NHS: variants seen among roughly 807,000 people sequenced by gnomAD.
NHS encodes the protein NHS actin remodeling regulator.
A neutral mutation model predicts 72.5 loss-of-function variants in NHS; 5 were observed. That is an observed-to-expected ratio of 0.07 (90% CI 0.04 to 0.14). The LOEUF (loss-of-function observed/expected upper bound fraction) is 0.14, where lower values mean the gene tolerates loss of function less well. NHS is among the 10% of genes least tolerant of loss of function. NHS has a pLI of 1.00. For synonymous variants in NHS, 464 were observed against 547.7 expected, an observed-to-expected ratio of 0.85 and a Z score of 2.13; for missense variants, 1,072 against 1,355.7, an observed-to-expected ratio of 0.79 and a Z score of 3.29.
chrX:17,492,610 G>A (rs956349766), intron 1 of NHS, among the ~76,000 whole-genome samples: 2 of 112,295 alleles, frequency 1.8e-5, no homozygotes, highest in South Asian at 3.7e-4. Context: ...TTTATATTCT[G>A]TTGATTTAGG....
In NHS at chrX:17,726,877, A is replaced by G. The variant is rs1256260513; in HGVS notation, c.2771A>G (p.Glu924Gly). The change falls in exon 7 of 9, where the codon GAA (glutamate) becomes GGA (glycine). Residue 924 changes from glutamate (E) to glycine (G), a missense_variant. Glu to Gly is a moderately conservative substitution (Grantham distance 98). Transcript: ENST00000676302. ...WINQSEQGIK[E>G]PQLDASDIPP... is the part of the protein sequence containing the mutation. ...AACCAGAGTGAACAAGGCATTAAGG[A>G]ACCTCAGTTAGATGCTTCGGATATT... is the stretch of plus-strand genomic sequence containing the variant. 6 of 1,211,950 alleles carry G rather than the reference A, an allele frequency of 5.0e-6. No homozygotes were observed. The South Asian group carries it at 1.1e-4, about 21-fold the overall frequency.
At chrX:17,506,561 A>ATAAATAAG (rs2065059766) in intron 1 of NHS, among the ~76,000 whole-genome samples, 1 of 103,235 alleles carries the variant, frequency 9.7e-6, no homozygotes, top group Admixed American at 1.0e-4. Flanking sequence ...AAATAAATAA[A>ATAAATAAG]TAAATAAGTA....
At chrX:17,466,042 G>A (rs964197772) in intron 1 of NHS, among the ~76,000 whole-genome samples, 1 of 113,327 alleles carries the variant, frequency 8.8e-6, no homozygotes, top group Non-Finnish European at 1.9e-5. Flanking sequence ...GCATGCATGT[G>A]CCTTCCTACA....
rs374462247 is a variant in NHS at position 17,732,445 on chromosome X, C to T, written c.4937C>T (p.Ser1646Phe). Residue 1646 changes from serine to phenylalanine, a missense_variant, in exon 9 of 9, where the codon TCC (serine) becomes TTC (phenylalanine). Coordinates refer to ENST00000676302, the MANE Select transcript of NHS (RefSeq NM_001291867.2). ...NSDGSPHDDR[S>F]SQSST ...GACGGGAGCCCACATGACGACCGTTCCTCCCAGAGTTCAACATAGACTGCC... is the reference window on the plus strand; with the variant it reads ...GACGGGAGCCCACATGACGACCGTTTCTCCCAGAGTTCAACATAGACTGCC... The T allele has an allele frequency of 3.1e-4, 373 of 1,211,318 alleles. No individual in the cohort carries two copies. The highest frequency in any genetic ancestry group is 4.0e-4 in the Non-Finnish European group (360 of 895,543).
intron 5 of NHS, among the ~76,000 whole-genome samples, chrX:17,723,726 G>GGTGTGTGTGT (rs3222310): frequency 0.08 from 5,665 of 70,935 alleles, 283 homozygotes; most frequent in East Asian, 0.16. Flanking sequence ...CAGCAAAAGA[G>GGTGTGTGTGT]GTGTGTGTGT....
chrX:17,692,094 GC>G (rs1349741495), intron 2 of NHS, among the ~76,000 whole-genome samples: 1 of 111,836 alleles, frequency 8.9e-6, no homozygotes, highest in East Asian at 2.8e-4. Flanking sequence ...TCAGAAGTGA[GC>G]CCTCTTGTAC....
At chrX:17,594,183 G>A (rs5955617) in intron 1 of NHS, among the ~76,000 whole-genome samples, 19,600 of 111,444 alleles carry the variant, frequency 0.18, 3,682 homozygotes, top group African/African-American at 0.57. Context: ...TAACTGGCCC[G>A]TGTTTACCCA....
chrX:17,607,027 A>G (rs1436042446), intron 1 of NHS, among the ~76,000 whole-genome samples: 2 of 112,295 alleles, frequency 1.8e-5, no homozygotes, highest in African/African-American at 3.2e-5. Context: ...CCAGGGCCAC[A>G]TAGCTTGTAA....
At chrX:17,719,474 C>T (rs1601853275) in intron 4 of NHS, 68 bp downstream of exon 4, 1 of 829,684 alleles carries the variant, frequency 1.2e-6, no homozygotes, top group East Asian at 3.6e-5. Flanking sequence ...CCTTTTTTCC[C>T]TCTTTTAACT....
intron 1 of NHS, among the ~76,000 whole-genome samples, chrX:17,673,019 G>T (rs763237419): frequency 1.7e-3 from 186 of 110,686 alleles, no homozygotes; most frequent in Non-Finnish European, 3.3e-3. Flanking sequence ...TGGGAGGAGA[G>T]ATCAAGTAAA....
At chrX:17,635,929 TCTC>T (rs1296799736) in intron 1 of NHS, among the ~76,000 whole-genome samples, 6 of 111,984 alleles carry the variant, frequency 5.4e-5, no homozygotes, top group South Asian at 3.8e-4. Context: ...CTTTCTTCCT[TCTC>T]CTCTTCTGCT....
intron 1 of NHS, among the ~76,000 whole-genome samples, chrX:17,453,093 A>G: frequency 9.0e-6 from 1 of 111,610 alleles, no homozygotes; most frequent in South Asian, 3.7e-4. Context: ...TCTTTTCTTC[A>G]TTGTCAGGGG....
In NHS at chrX:17,587,333, G is replaced by A. The variant is rs539779140; in HGVS notation, c.566-100409G>A. The stretch of plus-strand genomic sequence containing the variant: ...CCTTCCTCACCAGGTCTGCTGCTCT[G>A]GGAACAGGGTTGAGAACCCCTTCCA... On this transcript the variant is annotated intron_variant, in intron 1 of 8. Transcript: ENST00000676302. 4.5e-5 allele frequency among the ~76,000 whole-genome samples: 5 copies of A among 112,202 alleles called. No homozygotes were observed. In the South Asian group the frequency reaches 1.9e-3, roughly 42 times the overall value.
At chrX:17,654,451 G>A (rs978341669) in intron 1 of NHS, among the ~76,000 whole-genome samples, 4 of 112,700 alleles carry the variant, frequency 3.5e-5, no homozygotes, top group Middle Eastern at 4.6e-3. Flanking sequence ...AACCCAGACT[G>A]ACTTGGGTTC....
At chrX:17,541,948 T>C (rs2065266321) in intron 1 of NHS, among the ~76,000 whole-genome samples, 1 of 112,015 alleles carries the variant, frequency 8.9e-6, no homozygotes, top group African/African-American at 3.3e-5. Context: ...TTCGCCTTGC[T>C]TAGCTCTTGC....
At chrX:17,382,685 C>T (rs779563245) in intron 1 of NHS, among the ~76,000 whole-genome samples, 1 of 112,402 alleles carries the variant, frequency 8.9e-6, no homozygotes, top group African/African-American at 3.2e-5. Context: ...CATTGTACTG[C>T]AGTGACACTT....
At chrX:17,574,908 C>T (rs1173286741) in intron 1 of NHS, among the ~76,000 whole-genome samples, 1 of 112,017 alleles carries the variant, frequency 8.9e-6, no homozygotes, top group Non-Finnish European at 1.9e-5. Flanking sequence ...GATGGGGAAA[C>T]TGAGGCACAG....
At chrX:17,674,698 T>G (rs754122032) in intron 1 of NHS, among the ~76,000 whole-genome samples, 8 of 112,035 alleles carry the variant, frequency 7.1e-5, no homozygotes, top group Admixed American at 6.6e-4. Context: ...AGTTCATATT[T>G]CCCTTTTCCC....
intron 1 of NHS, among the ~76,000 whole-genome samples, chrX:17,453,179 T>C (rs1398821101): frequency 9.0e-6 from 1 of 110,947 alleles, no homozygotes; most frequent in East Asian, 2.8e-4. Context: ...TACAGTCTCA[T>C]TGATATAGGT....
Sources: allele counts gnomAD v4.1 joint callset (sites outside exome capture counted in the v4.1 genomes callset), GRCh38; gene constraint gnomAD v4.1.1; transcripts MANE v1.5; gene names NCBI Gene and HGNC (gene_info 2026-07-23, HGNC 2026-07-21).